NPHP4: variants seen among roughly 807,000 people sequenced by gnomAD.
NPHP4 encodes nephrocystin-4.
In NPHP4, 151 loss-of-function variants were observed where a neutral mutation model predicts 155.8. The observed-to-expected ratio is 0.97, with a 90% CI of 0.85 to 1.11. The LOEUF is 1.11. NPHP4 is among the 50% of genes least tolerant of loss of function. The pLI, the probability that NPHP4 is intolerant of heterozygous loss-of-function variation, is 0.00. For missense variants in NPHP4, 1,956 were observed against 1,925.7 expected (o/e 1.02, Z -0.29); for synonymous variants, 845 against 816.8 (o/e 1.03, Z -0.59).
At chr1:5,868,106 GGCCGGCACCCACACAGGGCACCC>G in intron 23 of NPHP4, 1 of 695,870 alleles carries the variant, frequency 1.4e-6, no homozygotes, top group East Asian at 2.7e-5. Flanking sequence ...GCAAGGTCTG[GGCCGGCACCCACACAGGGCACCC>G]AAGCAGCCAC....
At chr1:5,983,022 G>A (rs186241333) in intron 2 of NPHP4, among the ~76,000 whole-genome samples, 1 of 152,266 alleles carries the variant, frequency 6.6e-6, no homozygotes, top group East Asian at 1.9e-4. Flanking sequence ...AGAGATGACA[G>A]GGTGATTGAT....
intron 3 of NPHP4, among the ~76,000 whole-genome samples, chr1:5,970,437 A>G (rs967796214): frequency 6.6e-6 from 1 of 152,168 alleles, no homozygotes; most frequent in Admixed American, 6.5e-5. Flanking sequence ...TGGGAAGCAG[A>G]GGTTGCAGTA....
At chr1:5,945,908 C>T (rs112520831) in intron 9 of NPHP4, among the ~76,000 whole-genome samples, 7 of 152,006 alleles carry the variant, frequency 4.6e-5, no homozygotes, top group Non-Finnish European at 7.4e-5. Flanking sequence ...CATTGTCCCC[C>T]CCCAGGGCGT....
chr1:5,865,356 C>A (rs1221274186), intron 26 of NPHP4, 83 bp from the exon 27 acceptor site: 4 of 1,263,030 alleles, frequency 3.2e-6, no homozygotes, highest in South Asian at 1.6e-5. Flanking sequence ...CTGCCAGGAG[C>A]GTGGGCAGAC....
Position 5,905,089 on chromosome 1 carries a change from C to A in NPHP4, c.1955+203G>T, listed in dbSNP as rs1644849860. Among the ~76,000 whole-genome samples the A allele has an allele frequency of 6.6e-6, 1 of 152,220 alleles. No homozygotes were observed. The highest frequency in any genetic ancestry group is 6.5e-5 in the Admixed American group (1 of 15,306). The stretch of plus-strand genomic sequence containing the variant: ...CCGTCCACATTTTAATGAAGGACCA[C>A]AAAAGATGGGGTAAAGCAGCTTTCA... On this transcript the variant is annotated intron_variant, in intron 15 of 29. Coordinates refer to ENST00000378156, the MANE Select transcript of NPHP4 (RefSeq NM_015102.5). This position sits in a 1 kb window ranked among gnomAD's most constrained non-coding sequence, Gnocchi z 4.0.
intron 19 of NPHP4, chr1:5,879,708 C>A (rs1360101418): frequency 2.2e-6 from 1 of 461,802 alleles, no homozygotes; most frequent in Non-Finnish European, 4.3e-6. Context: ...GCCAGGGCAC[C>A]GAGCTGCATA....
At chr1:5,901,320 G>A (rs1644670526) in intron 16 of NPHP4, among the ~76,000 whole-genome samples, 1 of 152,234 alleles carries the variant, frequency 6.6e-6, no homozygotes, top group South Asian at 2.1e-4. Flanking sequence ...CTGAACTGAT[G>A]CAACTACCAA....
intron 16 of NPHP4, among the ~76,000 whole-genome samples, chr1:5,897,221 T>A (rs1468434103): frequency 1.3e-5 from 2 of 152,156 alleles, no homozygotes; most frequent in African/African-American, 4.8e-5. Context: ...ATTAAATAAC[T>A]GACGCAAGCA....
chr1:5,961,387 G>A (rs992711009), intron 6 of NPHP4, among the ~76,000 whole-genome samples: 6 of 152,104 alleles, frequency 3.9e-5, no homozygotes, highest in Non-Finnish European at 8.8e-5. Context: ...ATTTTAAAAG[G>A]GCTAAGACGG....
At chr1:5,914,541 C>T (rs1183978084) in intron 11 of NPHP4, among the ~76,000 whole-genome samples, 3 of 152,206 alleles carry the variant, frequency 2.0e-5, no homozygotes, top group Non-Finnish European at 4.4e-5. Flanking sequence ...CGCCTCAAGC[C>T]ACATAACTTT....
At position 5,904,931 on chromosome 1, in the gene NPHP4, T is replaced by C. The variant is rs3737234; in HGVS notation, c.1956-127A>G. 732,823 of 903,572 alleles carry C rather than the reference T, an allele frequency of 0.81. 297,825 individuals carry two copies. The highest frequency in any genetic ancestry group is 0.93 in the African/African-American group (57,020 of 61,030). The allele number at this position is 903,572 out of a possible 1,614,324, so 56.0% of individuals were successfully genotyped here. ...CTGGGGAACAGTAAAGAGGCTGCCGTGGTCACCAATGCAACCGCTTTGCTG... is the reference window on the plus strand; with the variant it reads ...CTGGGGAACAGTAAAGAGGCTGCCGCGGTCACCAATGCAACCGCTTTGCTG... On this transcript the variant is annotated intron_variant, in intron 15 of 29. Coordinates refer to ENST00000378156, the MANE Select transcript of NPHP4 (RefSeq NM_015102.5).
At chr1:5,988,838 T>C (rs543154642) in intron 1 of NPHP4, among the ~76,000 whole-genome samples, 2 of 152,066 alleles carry the variant, frequency 1.3e-5, no homozygotes, top group African/African-American at 4.8e-5. Context: ...ACCCAGACGC[T>C]GCATCCTTGG....
At chr1:5,932,684 ATC>A (rs1240099876) in intron 10 of NPHP4, among the ~76,000 whole-genome samples, 1 of 152,036 alleles carries the variant, frequency 6.6e-6, no homozygotes, top group African/African-American at 2.4e-5. Context: ...AAACCTGAGA[ATC>A]TCTGCTGTGG....
intron 26 of NPHP4, chr1:5,866,011 C>T (rs918030934): frequency 4.3e-5 from 13 of 303,682 alleles, no homozygotes; most frequent in African/African-American, 1.7e-4. Context: ...CCTGCCTCTC[C>T]GCAGGAGGGA....
chr1:5,907,198 A>G lies in NPHP4; in HGVS notation c.1528T>C (p.Ser510Pro). 1 of 1,584,276 alleles carries G rather than the reference A, an allele frequency of 6.3e-7. No individual in the cohort carries two copies. Among genetic ancestry groups the G allele is most frequent in the South Asian group, 1.2e-5 (1 of 86,030 alleles). The change falls in exon 13 of 30, where the codon TCC becomes CCC. Residue 510 changes from serine (S) to proline (P), a missense_variant. Coordinates refer to ENST00000378156, the MANE Select transcript of NPHP4 (RefSeq NM_015102.5). ...CAGTGCTGAGTCGGGGACCGCGGGG[A>G]GGCCGCCAGCTGGGAAATTGACAAC... ...PGLSISQLAA[S>P]PRSPTQHCLA...
chr1:5,973,870 A>G (rs1245312375), intron 3 of NPHP4, among the ~76,000 whole-genome samples: 2 of 152,212 alleles, frequency 1.3e-5, no homozygotes, highest in Non-Finnish European at 2.9e-5. Context: ...TTGGCCTCCT[A>G]GAGCCATAGA....
At chr1:5,901,262 A>G (rs1379282465) in intron 16 of NPHP4, among the ~76,000 whole-genome samples, 1 of 152,190 alleles carries the variant, frequency 6.6e-6, no homozygotes, top group Non-Finnish European at 1.5e-5. Context: ...TTACAGTTCA[A>G]CAACAACAAC....
rs1334549930 is a variant in NPHP4, at chr1:5,890,135, G to A, written c.2304+733C>T. ...GTTCAGCCGTGTCAGGAATCCAGGAGGAAAGCAGCTATGCGGCACTCAAGA... is the reference window on the plus strand; with the variant it reads ...GTTCAGCCGTGTCAGGAATCCAGGAAGAAAGCAGCTATGCGGCACTCAAGA... On this transcript the variant is annotated intron_variant, in intron 17 of 29. Coordinates refer to ENST00000378156, the MANE Select transcript of NPHP4 (RefSeq NM_015102.5). This position sits in a 1 kb window ranked among gnomAD's most constrained non-coding sequence, Gnocchi z 4.9. 6.6e-6 allele frequency among the ~76,000 whole-genome samples: 1 copy of A among 152,106 alleles called. No homozygotes were observed. Among genetic ancestry groups the A allele is most frequent in the Non-Finnish European group, 1.5e-5 (1 of 68,018 alleles).
In NPHP4 at chr1:5,921,563, T is replaced by C. The variant is rs575242419; in HGVS notation, c.1441+6086A>G. On this transcript the variant is annotated intron_variant, in intron 11 of 29. Coordinates refer to ENST00000378156, the MANE Select transcript of NPHP4 (RefSeq NM_015102.5). ...TGTCATTTTATTTTCATTTCTCTGA[T>C]TACCAGTAATACTGAGCATGTTTTC... Among the ~76,000 whole-genome samples, 431 of 152,366 alleles carry C rather than the reference T, an allele frequency of 2.8e-3. 1 individual carries two copies. Among genetic ancestry groups the C allele is most frequent in the Middle Eastern group, 0.017 (5 of 294 alleles).
Sources: allele counts gnomAD v4.1 joint callset (sites outside exome capture counted in the v4.1 genomes callset), GRCh38; gene constraint gnomAD v4.1.1; non-coding constraint Gnocchi (gnomAD v3.1); transcripts MANE v1.5; gene names NCBI Gene and HGNC (gene_info 2026-07-23, HGNC 2026-07-21).